Variants in CSMD1 observed in about 807,000 individuals in gnomAD.
CSMD1 encodes CUB and Sushi multiple domains 1.
A neutral mutation model predicts 417.5 loss-of-function variants in CSMD1; 213 were observed. The ratio of observed to expected loss-of-function variants is 0.51; its 90% CI spans 0.46 to 0.57. CSMD1 has a LOEUF of 0.57. Among genes scored for constraint, CSMD1 ranks in the 20% least tolerant of loss-of-function variants. The pLI is 0.00. For missense variants in CSMD1, 6,923 were observed against 4,529.7 expected (o/e 1.53, Z -15.17); for synonymous variants, 2,862 against 1,736.8 (o/e 1.65, Z -16.11).
intron 7 of CSMD1, among the ~76,000 whole-genome samples, chr8:3,680,054 A>T (rs1484699602): frequency 9.2e-5 from 14 of 152,182 alleles, no homozygotes; most frequent in Admixed American, 9.2e-4. Flanking sequence ...AGGAAAATTT[A>T]TAACACTAAA....
chr8:4,151,341 T>C (rs1796561085), intron 3 of CSMD1, among the ~76,000 whole-genome samples: 1 of 152,186 alleles, frequency 6.6e-6, no homozygotes, highest in Non-Finnish European at 1.5e-5. Flanking sequence ...GATAAATCAC[T>C]TATTTACAGT....
chr8:3,000,073 G>A lies in CSMD1; in HGVS notation c.8088C>T (p.Phe2696=), dbSNP rs746274447. 1 of 1,601,980 alleles carries A rather than the reference G, an allele frequency of 6.2e-7. No homozygotes were observed. The highest frequency in any genetic ancestry group is 8.5e-7 in the Non-Finnish European group (1 of 1,177,244). The change falls in exon 53 of 70, where the codon TTC becomes TTT. Residue 2696 remains phenylalanine (F), a synonymous_variant. Coordinates refer to ENST00000635120, the MANE Select transcript of CSMD1 (RefSeq NM_033225.6). ...IVNGHISGDG[F]SYRDTVVYQC... is the part of the protein sequence containing the mutation. ...GGTAAACCACCGTGTCTCTGTAACT[G>A]AAGCCATCTCCACTAATGTGACCGT...
At chr8:4,898,433 G>A (rs980760569) in intron 1 of CSMD1, among the ~76,000 whole-genome samples, 1 of 152,172 alleles carries the variant, frequency 6.6e-6, no homozygotes, top group Admixed American at 6.5e-5. Context: ...GATGGTCACA[G>A]AAGGACCGCA....
intron 3 of CSMD1, among the ~76,000 whole-genome samples, chr8:4,223,318 C>G (rs1416407394): frequency 6.6e-6 from 1 of 152,250 alleles, no homozygotes; most frequent in Non-Finnish European, 1.5e-5. Context: ...CGTGGGGACT[C>G]TGAAGAACAC....
At chr8:3,696,367 G>C (rs990684880) in intron 7 of CSMD1, among the ~76,000 whole-genome samples, 1 of 152,114 alleles carries the variant, frequency 6.6e-6, no homozygotes, top group Non-Finnish European at 1.5e-5. Context: ...TTATCTCTTT[G>C]ACTTGTCGTA....
At chr8:3,557,740 C>T (rs894603745) in intron 10 of CSMD1, among the ~76,000 whole-genome samples, 12 of 152,168 alleles carry the variant, frequency 7.9e-5, no homozygotes, top group Admixed American at 6.5e-4. Flanking sequence ...ATACTTTCCC[C>T]TTAGTCCCCT....
At chr8:3,801,178 CA>C (rs1201646434) in intron 5 of CSMD1, among the ~76,000 whole-genome samples, 6 of 151,664 alleles carry the variant, frequency 4.0e-5, no homozygotes, top group African/African-American at 1.5e-4. Flanking sequence ...AGATAGTCCA[CA>C]TAATGAGAGA....
chr8:3,841,294 TA>T (rs1420282639), intron 5 of CSMD1, among the ~76,000 whole-genome samples: 1 of 152,156 alleles, frequency 6.6e-6, no homozygotes, highest in Non-Finnish European at 1.5e-5. Flanking sequence ...AAAACTAAAT[TA>T]AAAAATGCAT....
intron 23 of CSMD1, among the ~76,000 whole-genome samples, chr8:3,312,291 T>C (rs1563259924): frequency 6.6e-6 from 1 of 152,214 alleles, no homozygotes; most frequent in Non-Finnish European, 1.5e-5. Flanking sequence ...GCAGCGTAGT[T>C]TTCTCTTTAT....
intron 1 of CSMD1, among the ~76,000 whole-genome samples, chr8:4,835,808 C>T (rs1390771233): frequency 3.3e-5 from 5 of 151,514 alleles, no homozygotes; most frequent in Non-Finnish European, 5.9e-5. Context: ...TATATCTCAT[C>T]AAGTATCCAG....
At chr8:4,140,392 G>C (rs140467123) in intron 3 of CSMD1, among the ~76,000 whole-genome samples, 1 of 150,890 alleles carries the variant, frequency 6.6e-6, no homozygotes, top group African/African-American at 2.5e-5. Flanking sequence ...CAGCTACTTC[G>C]GAGCCTGAAG....
At chr8:3,259,385 G>C (rs368246476) in intron 26 of CSMD1, among the ~76,000 whole-genome samples, 1 of 152,028 alleles carries the variant, frequency 6.6e-6, no homozygotes, top group Admixed American at 6.6e-5. Context: ...GAGGCTGCAG[G>C]TTTACGGACA....
intron 1 of CSMD1, among the ~76,000 whole-genome samples, chr8:4,936,722 T>C (rs1807645476): frequency 6.6e-6 from 1 of 152,220 alleles, no homozygotes; most frequent in Non-Finnish European, 1.5e-5. Context: ...ACATCAATGT[T>C]AATAGGCAGG....
rs898873421 is a variant in CSMD1, at chr8:4,802,273, C to A, written c.86-164715G>T. ...TCCCTTTTCCTCTGCCTGCCTCAGCCAAGGCTTCGTGGTTTCAGGCTCATC... is the reference window on the plus strand; with the variant it reads ...TCCCTTTTCCTCTGCCTGCCTCAGCAAAGGCTTCGTGGTTTCAGGCTCATC... On this transcript the variant is annotated intron_variant, in intron 1 of 69. Coordinates refer to ENST00000635120, the MANE Select transcript of CSMD1 (RefSeq NM_033225.6). 4.6e-5 allele frequency among the ~76,000 whole-genome samples: 7 copies of A among 152,084 alleles called. No individual in the cohort carries two copies. The South Asian group carries it at 8.3e-4, about 18-fold the overall frequency.
chr8:4,394,876 GTCT>G (rs768340566), intron 3 of CSMD1, among the ~76,000 whole-genome samples: 3 of 151,828 alleles, frequency 2.0e-5, no homozygotes, highest in Non-Finnish European at 4.4e-5. Context: ...ATACAACCTT[GTCT>G]ACACGTCTGT....
chr8:4,643,282 T>C (rs1194421248), intron 1 of CSMD1, among the ~76,000 whole-genome samples: 1 of 152,362 alleles, frequency 6.6e-6, no homozygotes, highest in Non-Finnish European at 1.5e-5. Context: ...TCGATCCTTT[T>C]ACTACATCTA....
intron 1 of CSMD1, among the ~76,000 whole-genome samples, chr8:4,738,033 A>G (rs1232792572): frequency 6.6e-6 from 1 of 152,190 alleles, no homozygotes; most frequent in Non-Finnish European, 1.5e-5. Context: ...AATGAGAGAG[A>G]ATAAGAAAAG....
At chr8:4,915,730 G>C (rs1481110251) in intron 1 of CSMD1, among the ~76,000 whole-genome samples, 1 of 152,208 alleles carries the variant, frequency 6.6e-6, no homozygotes, top group Non-Finnish European at 1.5e-5. Context: ...TCCGGGTTTG[G>C]AGACAGACAT....
At chr8:3,423,163 A>C (rs1813604867) in intron 12 of CSMD1, among the ~76,000 whole-genome samples, 1 of 152,224 alleles carries the variant, frequency 6.6e-6, no homozygotes, top group Non-Finnish European at 1.5e-5. Context: ...TAATTAAGGA[A>C]TGAATTAGGT....
Sources: allele counts gnomAD v4.1 joint callset (sites outside exome capture counted in the v4.1 genomes callset), GRCh38; gene constraint gnomAD v4.1.1; transcripts MANE v1.5; gene names NCBI Gene and HGNC (gene_info 2026-07-23, HGNC 2026-07-21).